PLXNA4: variants seen among roughly 807,000 people sequenced by gnomAD.
PLXNA4 encodes the protein plexin-A4.
A neutral mutation model predicts 191.8 loss-of-function variants in PLXNA4; 44 were observed. The ratio of observed to expected loss-of-function variants is 0.23; its 90% CI spans 0.18 to 0.29. The LOEUF (loss-of-function observed/expected upper bound fraction) is 0.29, where lower values mean the gene tolerates loss of function less well. PLXNA4 is among the 10% of genes least tolerant of loss of function. PLXNA4 has a pLI of 1.00. For synonymous variants in PLXNA4, 1,082 were observed against 1,009.5 expected, an observed-to-expected ratio of 1.07 and a Z score of -1.36; for missense variants, 1,800 against 2,488.8, an observed-to-expected ratio of 0.72 and a Z score of 5.89.
rs1181471780 is a variant in PLXNA4 at position 132,127,631 on chromosome 7, G to A, written c.*2848C>T. 2 of 152,146 alleles carry A rather than the reference G, an allele frequency of 1.3e-5. No individual in the cohort carries two copies. The highest frequency in any genetic ancestry group is 3.9e-4 in the East Asian group (2 of 5,186). 9.4% of individuals were successfully genotyped at this position (152,146 alleles called of 1,614,324 possible). ...ATAAGCAAGATGGGCTGTGGCTCTG[G>A]ATACCTGGCTCAAATTTCTCAGTCC... On this transcript the variant is annotated 3_prime_UTR_variant, in exon 32 of 32. Transcript: ENST00000321063.
intron 2 of PLXNA4, among the ~76,000 whole-genome samples, chr7:132,598,643 G>A (rs1802761386): frequency 1.3e-5 from 2 of 152,146 alleles, no homozygotes; most frequent in Non-Finnish European, 2.9e-5. Flanking sequence ...TCGTTTGCTT[G>A]TTGATTTGCA....
intron 2 of PLXNA4, among the ~76,000 whole-genome samples, chr7:132,635,170 TTATATATATATATATATATA>T (rs3037811): frequency 7.6e-6 from 1 of 131,814 alleles, no homozygotes; most frequent in Non-Finnish European, 1.6e-5. Flanking sequence ...AAACTCCCCT[TTATATATATATATATATATA>T]TATATATATA....
At chr7:132,204,986 C>A (rs1054489204) in intron 10 of PLXNA4, among the ~76,000 whole-genome samples, 1 of 152,142 alleles carries the variant, frequency 6.6e-6, no homozygotes, top group Non-Finnish European at 1.5e-5. Flanking sequence ...GAGCTAGGTT[C>A]GGTGTTTGTC....
At chr7:132,219,861 G>A (rs1270778898) in intron 9 of PLXNA4, among the ~76,000 whole-genome samples, 1 of 152,164 alleles carries the variant, frequency 6.6e-6, no homozygotes, top group African/African-American at 2.4e-5. Context: ...ATAATTGGCT[G>A]CAGTATTCAG....
At chr7:132,155,098 C>T (rs973161390) in intron 25 of PLXNA4, among the ~76,000 whole-genome samples, 2 of 152,262 alleles carry the variant, frequency 1.3e-5, no homozygotes, top group South Asian at 2.1e-4. Flanking sequence ...TCAGCTTGCT[C>T]GACTTGAGCC....
At chr7:132,258,714 T>C (rs868776957) in intron 4 of PLXNA4, among the ~76,000 whole-genome samples, 3 of 152,112 alleles carry the variant, frequency 2.0e-5, no homozygotes, top group South Asian at 2.1e-4. Context: ...AGACCCCAGA[T>C]CCAGGAAAAC....
rs964315230 is a variant in PLXNA4, at chr7:132,259,886, T to C, written c.1504-18720A>G. 3.3e-5 allele frequency among the ~76,000 whole-genome samples: 5 copies of C among 152,198 alleles called. No individual in the cohort carries two copies. In the East Asian group the frequency reaches 9.6e-4, roughly 29 times the overall value. On this transcript the variant is annotated intron_variant, in intron 4 of 31. Transcript: ENST00000321063. Reference sequence around the variant, plus strand: ...AAGAAGCCAATCTGAAAAGCCTACATTGTGTGATTCCAACTATATGACCTG... The same window carrying C: ...AAGAAGCCAATCTGAAAAGCCTACACTGTGTGATTCCAACTATATGACCTG...
Position 132,130,594 on chromosome 7 carries a change from A to T in PLXNA4, c.5590-20T>A. The T allele has an allele frequency of 6.2e-7, 1 of 1,614,036 alleles. No homozygotes were observed. Among genetic ancestry groups the T allele is most frequent in the Non-Finnish European group, 8.5e-7 (1 of 1,179,914 alleles). The stretch of plus-strand genomic sequence containing the variant: ...AAGGATCTGCGGAAGGGCCAAGAAC[A>T]GGGAGATTACTCATTTGTGTGTACA... On this transcript the variant is annotated intron_variant, in intron 31 of 31. Coordinates refer to ENST00000321063, the MANE Select transcript of PLXNA4 (RefSeq NM_020911.2).
chr7:132,243,820 C>T (rs1798960857), intron 4 of PLXNA4, among the ~76,000 whole-genome samples: 1 of 152,248 alleles, frequency 6.6e-6, no homozygotes, highest in African/African-American at 2.4e-5. Context: ...ACTTACCTCT[C>T]CCCGACATCC....
chr7:132,535,068 A>T (rs1011407700), intron 1 of PLXNA4, among the ~76,000 whole-genome samples: 5 of 152,242 alleles, frequency 3.3e-5, no homozygotes, highest in African/African-American at 1.2e-4. Flanking sequence ...TCAATAAGAA[A>T]ATGAAGATGT....
intron 4 of PLXNA4, among the ~76,000 whole-genome samples, chr7:132,293,964 G>A (rs1800984534): frequency 6.6e-6 from 1 of 152,134 alleles, no homozygotes; most frequent in African/African-American, 2.4e-5. Flanking sequence ...GTGTTTATTA[G>A]GTGTCAGTGC....
intron 18 of PLXNA4, among the ~76,000 whole-genome samples, chr7:132,181,090 T>G (rs1205303681): frequency 6.6e-6 from 1 of 152,190 alleles, no homozygotes; most frequent in Non-Finnish European, 1.5e-5. Context: ...CAAGGCTGCC[T>G]CAGAGGAAGC....
chr7:132,511,680 A>G (rs1489859756), intron 1 of PLXNA4, among the ~76,000 whole-genome samples: 1 of 152,206 alleles, frequency 6.6e-6, no homozygotes, highest in East Asian at 1.9e-4. Flanking sequence ...TATCGTTAGC[A>G]AGATTAAAAT....
At chr7:132,487,259 T>C (rs1287463483) in intron 3 of PLXNA4, among the ~76,000 whole-genome samples, 1 of 152,100 alleles carries the variant, frequency 6.6e-6, no homozygotes, top group Non-Finnish European at 1.5e-5. Flanking sequence ...TGGCAGCTGG[T>C]AGGAAATTCA....
intron 3 of PLXNA4, among the ~76,000 whole-genome samples, chr7:132,371,459 A>G (rs183304523): frequency 1.3e-5 from 2 of 152,286 alleles, no homozygotes; most frequent in East Asian, 1.9e-4. Context: ...TTTCCTGCCA[A>G]TGATGTCAGT....
At chr7:132,310,835 C>T (rs1348938622) in intron 3 of PLXNA4, among the ~76,000 whole-genome samples, 1 of 152,054 alleles carries the variant, frequency 6.6e-6, no homozygotes, top group Admixed American at 6.6e-5. Context: ...GGCTGCCATC[C>T]AAGGACAGCT....
At chr7:132,253,232 C>CTTTTTTTT (rs56010775) in intron 4 of PLXNA4, among the ~76,000 whole-genome samples, 97 of 134,444 alleles carry the variant, frequency 7.2e-4, no homozygotes, top group Non-Finnish European at 1.0e-3. Context: ...TTTCTTTTTT[C>CTTTTTTTT]TTTTTTTTTT....
chr7:132,502,378 A>C (rs1056987937), intron 2 of PLXNA4, among the ~76,000 whole-genome samples: 1 of 152,202 alleles, frequency 6.6e-6, no homozygotes, highest in African/African-American at 2.4e-5. Context: ...AAACAGCTCC[A>C]TCTCCTGTGC....
chr7:132,445,641 T>G (rs1021640379), intron 3 of PLXNA4, among the ~76,000 whole-genome samples: 2 of 152,140 alleles, frequency 1.3e-5, no homozygotes, highest in East Asian at 3.9e-4. Flanking sequence ...AAAGCAAATA[T>G]ATGATCTGGC....
Sources: gnomAD v4.1 joint callset for allele counts (sites outside exome capture counted in the v4.1 genomes callset) on GRCh38, gnomAD v4.1.1 for gene constraint, MANE v1.5 for transcripts, NCBI Gene and HGNC (gene_info 2026-07-23, HGNC 2026-07-21) for gene names.